IRF2: variants seen among roughly 807,000 people sequenced by gnomAD.
IRF2 encodes interferon regulatory factor 2.
Under a neutral mutation model 40.6 loss-of-function variants are expected in IRF2, and 15 were observed. The ratio of observed to expected loss-of-function variants is 0.37; its 90% CI spans 0.25 to 0.57. IRF2 has a LOEUF of 0.57. Ranked by LOEUF, IRF2 falls within the 20% of genes least tolerant of loss-of-function variation. The pLI, the probability that IRF2 is intolerant of heterozygous loss-of-function variation, is 0.77. For synonymous variants in IRF2, 151 were observed against 165.5 expected, an observed-to-expected ratio of 0.91 and a Z score of 0.67; for missense variants, 317 against 455.7, an observed-to-expected ratio of 0.70 and a Z score of 2.77.
chr4:184,461,478 TTC>T (rs1358730839), intron 1 of IRF2, among the ~76,000 whole-genome samples: 1 of 152,162 alleles, frequency 6.6e-6, no homozygotes, highest in East Asian at 1.9e-4. Flanking sequence ...TAATTGTGTT[TTC>T]TCTATCTGGA....
intron 1 of IRF2, among the ~76,000 whole-genome samples, chr4:184,432,478 C>T (rs1010072603): frequency 2.6e-5 from 4 of 152,190 alleles, no homozygotes; most frequent in South Asian, 4.1e-4. Context: ...AACCAGAAGG[C>T]TATGATGCGC....
chr4:184,410,221 AC>A, intron 5 of IRF2, among the ~76,000 whole-genome samples: 1 of 152,280 alleles, frequency 6.6e-6, no homozygotes, highest in Middle Eastern at 3.4e-3. Flanking sequence ...TCTGTAAGCC[AC>A]CCTAGGGCAC....
chr4:184,452,691 A>C (rs1381649114), intron 1 of IRF2, among the ~76,000 whole-genome samples: 2 of 139,994 alleles, frequency 1.4e-5, no homozygotes, highest in Non-Finnish European at 3.0e-5. Context: ...GGTTCATTTG[A>C]GCCCAGGAGG....
At chr4:184,452,442 G>A (rs1165840738) in intron 1 of IRF2, among the ~76,000 whole-genome samples, 1 of 152,150 alleles carries the variant, frequency 6.6e-6, no homozygotes, top group Admixed American at 6.5e-5. Flanking sequence ...CTTTGCTCAT[G>A]TTCTCATGCC....
chr4:184,467,503 A>C (rs1485240937), intron 1 of IRF2, among the ~76,000 whole-genome samples: 1 of 152,246 alleles, frequency 6.6e-6, no homozygotes, highest in Non-Finnish European at 1.5e-5. Context: ...TAGGGTAAAA[A>C]GGACAAAAGA....
intron 6 of IRF2, among the ~76,000 whole-genome samples, 195 bp from the exon 7 acceptor site, chr4:184,399,274 AC>A (rs1736582878): frequency 6.6e-6 from 1 of 152,186 alleles, no homozygotes; most frequent in Non-Finnish European, 1.5e-5. Flanking sequence ...GCCGGCCAGC[AC>A]TTGGCTCCCC....
In IRF2 at chr4:184,448,036, C is replaced by T. The variant is rs1484777999; in HGVS notation, c.-6-18966G>A. ...GTTACAGCAAAGACACATTCAAGTA[C>T]TCAGGAGTGATGGGATATCAGTATT... On this transcript the variant is annotated intron_variant, in intron 1 of 8. Coordinates refer to ENST00000393593, the MANE Select transcript of IRF2 (RefSeq NM_002199.4). This position sits in a 1 kb window ranked among gnomAD's most constrained non-coding sequence, Gnocchi z 4.3. 6.6e-6 allele frequency among the ~76,000 whole-genome samples: 1 copy of T among 152,174 alleles called. No individual in the cohort carries two copies. Among genetic ancestry groups the T allele is most frequent in the African/African-American group, 2.4e-5 (1 of 41,430 alleles).
At chr4:184,399,364 C>T (rs1473213382) in intron 6 of IRF2, among the ~76,000 whole-genome samples, 1 of 152,246 alleles carries the variant, frequency 6.6e-6, no homozygotes, top group Non-Finnish European at 1.5e-5. Context: ...CCACAGTCAA[C>T]CCCGTCACAG....
intron 6 of IRF2, among the ~76,000 whole-genome samples, chr4:184,405,016 G>A (rs1235218445): frequency 1.3e-5 from 2 of 152,238 alleles, no homozygotes; most frequent in Non-Finnish European, 2.9e-5. Flanking sequence ...ACCGAGGTAG[G>A]TGGATCATTT....
intron 2 of IRF2, 23 bp downstream of exon 2, chr4:184,428,955 T>TA: frequency 1.0e-5 from 16 of 1,598,064 alleles, no homozygotes; most frequent in Non-Finnish European, 1.3e-5. Context: ...CTCTCACACA[T>TA]ACACCCACCC....
chr4:184,449,856 G>A (rs1052829688), intron 1 of IRF2, among the ~76,000 whole-genome samples: 1 of 152,200 alleles, frequency 6.6e-6, no homozygotes, highest in South Asian at 2.1e-4. Flanking sequence ...GGTTAGTATG[G>A]TGACCAAGCC....
At chr4:184,425,349 T>C (rs771993650) in intron 2 of IRF2, among the ~76,000 whole-genome samples, 4 of 152,308 alleles carry the variant, frequency 2.6e-5, no homozygotes, top group Admixed American at 2.6e-4. Flanking sequence ...AAATGCCCTG[T>C]GGGAGTGTAG....
chr4:184,395,938 C>A (rs1579794698), intron 7 of IRF2, among the ~76,000 whole-genome samples: 1 of 152,194 alleles, frequency 6.6e-6, no homozygotes, highest in African/African-American at 2.4e-5. Flanking sequence ...GCTGGCAGAA[C>A]AGCAAGAAGA....
Position 184,448,293 on chromosome 4 carries a change from C to A in IRF2, c.-6-19223G>T, listed in dbSNP as rs150657554. On this transcript the variant is annotated intron_variant, in intron 1 of 8. Coordinates refer to ENST00000393593, the MANE Select transcript of IRF2 (RefSeq NM_002199.4). The surrounding 1 kb of genome is among the most constrained non-coding windows in gnomAD (Gnocchi z 4.3). ...ATGAAGCTGCTGGCGGTTTATTCGT[C>A]CTCCGTGCACCAGGATGGTATTAAT... Among the ~76,000 whole-genome samples, 392 of 152,338 alleles carry A rather than the reference C, an allele frequency of 2.6e-3. 2 individuals carry two copies. Among genetic ancestry groups the A allele is most frequent in the African/African-American group, 8.8e-3 (364 of 41,570 alleles).
intron 1 of IRF2, among the ~76,000 whole-genome samples, chr4:184,451,035 C>T (rs377344955): frequency 6.6e-6 from 1 of 152,210 alleles, no homozygotes; most frequent in South Asian, 2.1e-4. Flanking sequence ...AGTTTACCTC[C>T]TCCATTTCTT....
Position 184,389,043 on chromosome 4 carries a change from C to T in IRF2, c.765G>A (p.Arg255=), listed in dbSNP as rs189887691. ...SAEGRPHWRK[R]NIEGKQYLSN... ...TGAGGTACTGTTTGCCTTCAATATTCCTCTTCCGCCAGTGTGGCCGCCCCT... is the reference window on the plus strand; with the variant it reads ...TGAGGTACTGTTTGCCTTCAATATTTCTCTTCCGCCAGTGTGGCCGCCCCT... The change falls in exon 9 of 9, where the codon AGG becomes AGA. Residue 255 remains arginine (R), a synonymous_variant. Coordinates refer to ENST00000393593, the MANE Select transcript of IRF2 (RefSeq NM_002199.4). 16 of 1,614,186 alleles carry T rather than the reference C, an allele frequency of 9.9e-6. No individual in the cohort carries two copies. The East Asian group carries it at 1.3e-4, about 13-fold the overall frequency.
chr4:184,473,643 A>C (rs1443224578), intron 1 of IRF2, among the ~76,000 whole-genome samples: 1 of 147,422 alleles, frequency 6.8e-6, no homozygotes, highest in African/African-American at 2.5e-5. Context: ...CCCGGCTCCG[A>C]GCCCGCCCTC....
chr4:184,457,872 C>T (rs1739002009), intron 1 of IRF2, among the ~76,000 whole-genome samples: 1 of 152,008 alleles, frequency 6.6e-6, no homozygotes. Flanking sequence ...AAAAAGCTGG[C>T]TGTATCCTCG....
chr4:184,434,743 C>A (rs998236410), intron 1 of IRF2, among the ~76,000 whole-genome samples: 5 of 151,598 alleles, frequency 3.3e-5, no homozygotes, highest in Non-Finnish European at 7.4e-5. Context: ...CACGAATGAT[C>A]CCCCATGAAG....
Sources: gnomAD v4.1 joint callset for allele counts (sites outside exome capture counted in the v4.1 genomes callset) on GRCh38, gnomAD v4.1.1 for gene constraint, Gnocchi (gnomAD v3.1) non-coding constraint, MANE v1.5 for transcripts, NCBI Gene and HGNC (gene_info 2026-07-23, HGNC 2026-07-21) for gene names.